RALGAPA1: variants seen among roughly 807,000 people sequenced by gnomAD.
RALGAPA1 encodes Ral GTPase activating protein catalytic subunit alpha 1.
A neutral mutation model predicts 269.6 loss-of-function variants in RALGAPA1; 52 were observed. That is an observed-to-expected ratio of 0.19 (90% CI 0.15 to 0.24). RALGAPA1 has a LOEUF of 0.24. RALGAPA1 is among the 10% of genes least tolerant of loss of function. The pLI, the probability that RALGAPA1 is intolerant of heterozygous loss-of-function variation, is 1.00. For synonymous variants in RALGAPA1, 817 were observed against 1,008.3 expected (o/e 0.81, Z 3.60); for missense variants, 1,917 against 3,013.9 (o/e 0.64, Z 8.52).
intron 15 of RALGAPA1, among the ~76,000 whole-genome samples, chr14:35,722,537 G>C (rs935374494): frequency 3.9e-5 from 6 of 152,040 alleles, no homozygotes; most frequent in Admixed American, 2.6e-4. Flanking sequence ...CCTTGAGCCT[G>C]GGAGGTCGAG....
In RALGAPA1 at chr14:35,689,802, T is replaced by C. The variant is rs542114819; in HGVS notation, c.2609A>G (p.His870Arg). 1 of 1,564,514 alleles carries C rather than the reference T, an allele frequency of 6.4e-7. No homozygotes were observed. The highest frequency in any genetic ancestry group is 8.6e-7 in the Non-Finnish European group (1 of 1,163,544). Residue 870 changes from histidine (H) to arginine (R), a missense_variant, in exon 18 of 42, where the codon CAT (histidine) becomes CGT (arginine). This residue lies in a region of RALGAPA1 where 615 missense variants were observed against 790.0 expected (regional missense o/e 0.78). Coordinates refer to ENST00000680220, the MANE Select transcript of RALGAPA1 (RefSeq NM_001346249.2). ...TGTGGAACTCTGCAAGCTTGGTGCATGACGGGATGAACTGTCAATGACAGG... is the reference window on the plus strand; with the variant it reads ...TGTGGAACTCTGCAAGCTTGGTGCACGACGGGATGAACTGTCAATGACAGG... ...AVPVIDSSSR[H>R]APSLQSSTEA...
intron 21 of RALGAPA1, among the ~76,000 whole-genome samples, chr14:35,680,767 AC>A (rs1159733615): frequency 6.6e-6 from 1 of 151,780 alleles, no homozygotes; most frequent in Non-Finnish European, 1.5e-5. Flanking sequence ...GGTGCCCACC[AC>A]CACGCCCGGC....
At chr14:35,739,520 TAA>T (rs1402498670) in intron 11 of RALGAPA1, among the ~76,000 whole-genome samples, 1 of 152,146 alleles carries the variant, frequency 6.6e-6, no homozygotes, top group Non-Finnish European at 1.5e-5. Context: ...TATTTTAAAA[TAA>T]GTTTATTAAT....
rs111553801 is a variant in RALGAPA1, at chr14:35,589,962, G to A, written c.7209+5672C>T. 3.5e-4 allele frequency among the ~76,000 whole-genome samples: 53 copies of A among 152,200 alleles called. 1 individual carries two copies. Among genetic ancestry groups the A allele is most frequent in the African/African-American group, 1.1e-3 (45 of 41,534 alleles). On this transcript the variant is annotated intron_variant, in intron 37 of 41. Coordinates refer to ENST00000680220, the MANE Select transcript of RALGAPA1 (RefSeq NM_001346249.2). Reference sequence around the variant, plus strand: ...TCCCACCTTAGCCTCCCAAAGTGCTGGGATTACAAGTGTGAGCCACTGTGC... The same window carrying A: ...TCCCACCTTAGCCTCCCAAAGTGCTAGGATTACAAGTGTGAGCCACTGTGC...
chr14:35,540,125 T>C (rs2053831130), intron 41 of RALGAPA1, among the ~76,000 whole-genome samples: 1 of 152,244 alleles, frequency 6.6e-6, no homozygotes, highest in South Asian at 2.1e-4. Context: ...CCAAACAGTT[T>C]TGGAACCACG....
intron 26 of RALGAPA1, among the ~76,000 whole-genome samples, chr14:35,665,314 T>G (rs1301341447): frequency 6.6e-6 from 1 of 152,242 alleles, no homozygotes; most frequent in East Asian, 1.9e-4. Flanking sequence ...ACTTTTCATC[T>G]TTTTTCCTTA....
chr14:35,751,347 T>TG (rs949354725), intron 8 of RALGAPA1, among the ~76,000 whole-genome samples: 3 of 152,206 alleles, frequency 2.0e-5, no homozygotes, highest in African/African-American at 7.2e-5. Context: ...AACCCCCATA[T>TG]GGGGGGACCT....
intron 17 of RALGAPA1, among the ~76,000 whole-genome samples, chr14:35,696,292 T>C (rs1056735212): frequency 2.0e-5 from 3 of 152,154 alleles, no homozygotes; most frequent in Non-Finnish European, 4.4e-5. Context: ...CACGTGCCTA[T>C]GATCCCAGCT....
chr14:35,613,492 C>A (rs1433621350), intron 35 of RALGAPA1, among the ~76,000 whole-genome samples: 1 of 152,230 alleles, frequency 6.6e-6, no homozygotes, highest in African/African-American at 2.4e-5. Context: ...TATTCTCTCA[C>A]AGTGCTGTAT....
intron 37 of RALGAPA1, among the ~76,000 whole-genome samples, chr14:35,581,649 G>C (rs1476016065): frequency 6.6e-6 from 1 of 152,048 alleles, no homozygotes; most frequent in Admixed American, 6.6e-5. Flanking sequence ...ATCATTAGAA[G>C]GGAAATACAA....
At chr14:35,752,585 G>C (rs751582664) in intron 7 of RALGAPA1, among the ~76,000 whole-genome samples, 1 of 152,150 alleles carries the variant, frequency 6.6e-6, no homozygotes, top group African/African-American at 2.4e-5. Context: ...ATCCATAAAG[G>C]GGGTACAGTA....
At chr14:35,692,327 T>A (rs1389282458) in intron 17 of RALGAPA1, among the ~76,000 whole-genome samples, 1 of 151,852 alleles carries the variant, frequency 6.6e-6, no homozygotes, top group Non-Finnish European at 1.5e-5. Context: ...CAGAAAAAAA[T>A]AAAATATTAG....
At chr14:35,580,241 C>A (rs2057868302) in intron 37 of RALGAPA1, among the ~76,000 whole-genome samples, 1 of 152,118 alleles carries the variant, frequency 6.6e-6, no homozygotes, top group Non-Finnish European at 1.5e-5. Context: ...CTTCATCAAA[C>A]TTCTAAAAGG....
intron 37 of RALGAPA1, among the ~76,000 whole-genome samples, chr14:35,594,721 G>GAAA (rs55648804): frequency 7.9e-6 from 1 of 126,672 alleles, no homozygotes; most frequent in Admixed American, 8.1e-5. Flanking sequence ...CAGCAATTAT[G>GAAA]AAAAAAAAAA....
chr14:35,753,236 A>G (rs2072886968), intron 7 of RALGAPA1, among the ~76,000 whole-genome samples: 1 of 152,226 alleles, frequency 6.6e-6, no homozygotes, highest in African/African-American at 2.4e-5. Context: ...CAAATTTAGG[A>G]CAACCTGAGC....
chr14:35,776,850 C>A (rs2075072112), intron 1 of RALGAPA1, among the ~76,000 whole-genome samples: 1 of 151,694 alleles, frequency 6.6e-6, no homozygotes, highest in South Asian at 2.1e-4. Flanking sequence ...GCACGTGTAC[C>A]CTAGAACTTA....
At chr14:35,711,254 T>C (rs1365512804) in intron 16 of RALGAPA1, among the ~76,000 whole-genome samples, 1 of 152,256 alleles carries the variant, frequency 6.6e-6, no homozygotes, top group Admixed American at 6.5e-5. Context: ...GTTAACACTG[T>C]ACCACATTTG....
chr14:35,775,710 C>T lies in RALGAPA1; in HGVS notation c.142G>A (p.Asp48Asn), dbSNP rs375919378. Residue 48 changes from aspartate (D) to asparagine (N), a missense_variant, in exon 2 of 42, where the codon GAC becomes AAC. Asp to Asn is a conservative substitution (Grantham distance 23). Coordinates refer to ENST00000680220, the MANE Select transcript of RALGAPA1 (RefSeq NM_001346249.2). The stretch of plus-strand genomic sequence containing the variant: ...TAGTATATATGTGAAAAATGTTGGT[C>T]GAAAAACTGTTTAAGATCAATAGAT... The part of the protein sequence containing the change: ...AESIDLKQFF[D>N]QHFSHIYYVF... 1.3e-4 allele frequency: 201 copies of T among 1,562,330 alleles called. 1 individual carries two copies. Among genetic ancestry groups the T allele is most frequent in the Non-Finnish European group, 1.6e-4 (186 of 1,160,620 alleles).
At chr14:35,766,023 T>A in intron 4 of RALGAPA1, 2 of 1,385,842 alleles carry the variant, frequency 1.4e-6, no homozygotes, top group Non-Finnish European at 1.0e-6. Flanking sequence ...GAATGAAGAT[T>A]CAGACTGGCT....
Sources: gnomAD v4.1 joint callset for allele counts (sites outside exome capture counted in the v4.1 genomes callset) on GRCh38, gnomAD v4.1.1 for gene constraint, gnomAD v4.1.1 regional missense constraint, MANE v1.5 for transcripts, NCBI Gene and HGNC (gene_info 2026-07-23, HGNC 2026-07-21) for gene names.